RAB11FIP3: variants seen among roughly 807,000 people sequenced by gnomAD.
The protein encoded by RAB11FIP3 is RAB11 family interacting protein 3.
In RAB11FIP3, 17 loss-of-function variants were observed where a neutral mutation model predicts 77.8. The ratio of observed to expected loss-of-function variants is 0.22; its 90% CI spans 0.15 to 0.33. The LOEUF is 0.33. Among genes scored for constraint, RAB11FIP3 ranks in the 10% least tolerant of loss-of-function variants. The pLI, the probability that RAB11FIP3 is intolerant of heterozygous loss-of-function variation, is 1.00. For synonymous variants in RAB11FIP3, 437 were observed against 448.2 expected, an observed-to-expected ratio of 0.98 and a Z score of 0.31; for missense variants, 1,005 against 1,011.2, an observed-to-expected ratio of 0.99 and a Z score of 0.08.
chr16:445,007 G>C (rs940490002), intron 1 of RAB11FIP3, among the ~76,000 whole-genome samples: 1 of 151,410 alleles, frequency 6.6e-6, no homozygotes, highest in Non-Finnish European at 1.5e-5. Flanking sequence ...CCAGCTACTC[G>C]GGAGGCTGAG....
intron 5 of RAB11FIP3, among the ~76,000 whole-genome samples, chr16:494,364 C>T (rs1455994381): frequency 6.6e-6 from 1 of 151,352 alleles, no homozygotes; most frequent in Non-Finnish European, 1.5e-5. Context: ...GGCTCATGCC[C>T]GTAATCCCAG....
At chr16:459,369 G>A (rs1053678093) in intron 1 of RAB11FIP3, among the ~76,000 whole-genome samples, 10 of 149,804 alleles carry the variant, frequency 6.7e-5, no homozygotes, top group African/African-American at 1.2e-4. Flanking sequence ...CAGGTGATCC[G>A]CCTGCTTCAG....
chr16:442,621 G>A (rs1439793441), intron 1 of RAB11FIP3, among the ~76,000 whole-genome samples: 1 of 152,152 alleles, frequency 6.6e-6, no homozygotes, highest in African/African-American at 2.4e-5. Context: ...TCGGTGTCAT[G>A]CTACTTTTTT....
At chr16:466,135 A>G (rs1211633881) in intron 2 of RAB11FIP3, among the ~76,000 whole-genome samples, 3 of 152,194 alleles carry the variant, frequency 2.0e-5, no homozygotes, top group African/African-American at 7.2e-5. Flanking sequence ...GCTCTGCACA[A>G]TGTGGCTGGC....
At chr16:479,643 C>T (rs1242594358) in intron 3 of RAB11FIP3, among the ~76,000 whole-genome samples, 3 of 152,140 alleles carry the variant, frequency 2.0e-5, no homozygotes, top group African/African-American at 7.2e-5. Context: ...AATTACTCTG[C>T]CAGGCTCAGT....
intron 1 of RAB11FIP3, among the ~76,000 whole-genome samples, chr16:455,802 G>C (rs1390213215): frequency 6.6e-6 from 1 of 152,014 alleles, no homozygotes; most frequent in East Asian, 1.9e-4. Flanking sequence ...TGTTGCCCAG[G>C]CTAGTCTGGA....
Position 505,999 on chromosome 16 carries a change from C to T in RAB11FIP3, c.1499+372C>T, listed in dbSNP as rs1009412231. Among the ~76,000 whole-genome samples the T allele has an allele frequency of 2.0e-5, 3 of 152,222 alleles. No individual in the cohort carries two copies. Among genetic ancestry groups the T allele is most frequent in the African/African-American group, 4.8e-5 (2 of 41,448 alleles). On this transcript the variant is annotated intron_variant, in intron 8 of 13. Transcript: ENST00000262305. The surrounding 1 kb of genome is among the most constrained non-coding windows in gnomAD (Gnocchi z 4.0). ...AGCTCTCCCACCACTCTGGTCCATA[C>T]GGGGTTTGCCCGTCCTGGAAGAATG...
intron 3 of RAB11FIP3, among the ~76,000 whole-genome samples, chr16:479,035 G>GT: frequency 6.6e-6 from 1 of 152,124 alleles, no homozygotes; most frequent in Non-Finnish European, 1.5e-5. Context: ...GTGTTCATTT[G>GT]TATGATCCAC....
intron 6 of RAB11FIP3, chr16:497,519 G>C: frequency 2.6e-6 from 3 of 1,163,286 alleles, no homozygotes; most frequent in Non-Finnish European, 1.1e-6. Flanking sequence ...GCATCTGGCA[G>C]GGCTGGGAGA....
intron 1 of RAB11FIP3, among the ~76,000 whole-genome samples, chr16:431,435 A>C (rs1475163384): frequency 6.6e-6 from 1 of 150,642 alleles, no homozygotes; most frequent in African/African-American, 2.5e-5. Flanking sequence ...GCTGGAGTGC[A>C]GTGGCACAAT....
intron 1 of RAB11FIP3, among the ~76,000 whole-genome samples, chr16:458,294 CAG>C (rs1490061636): frequency 6.6e-6 from 1 of 152,226 alleles, no homozygotes; most frequent in Non-Finnish European, 1.5e-5. Context: ...TTTCCTGAAA[CAG>C]AGCAGCTGTG....
At position 425,952 on chromosome 16, in the gene RAB11FIP3, C is replaced by A; in HGVS notation, c.-55C>A. ...GGATGCCCGCGCCCGCCGCCGCGCC[C>A]TGAGCGCCTTTGTCTGCCGCCCGCG... is the stretch of plus-strand genomic sequence containing the variant. On this transcript the variant is annotated 5_prime_UTR_variant, in exon 1 of 14. It adds an upstream start codon to the 5' untranslated region. Coordinates refer to ENST00000262305, the MANE Select transcript of RAB11FIP3 (RefSeq NM_014700.4). The A allele has an allele frequency of 2.6e-6, 2 of 776,226 alleles. No homozygotes were observed. Among genetic ancestry groups the A allele is most frequent in the Non-Finnish European group, 1.5e-6 (1 of 649,530 alleles). The allele number at this position is 776,226 out of a possible 1,614,324, so 48.1% of individuals were successfully genotyped here. A position where few individuals can be genotyped will look rare whatever the true frequency, so the allele number is the denominator to read the frequency against.
intron 1 of RAB11FIP3, among the ~76,000 whole-genome samples, chr16:442,169 T>C (rs2055238556): frequency 6.6e-6 from 1 of 152,172 alleles, no homozygotes; most frequent in South Asian, 2.1e-4. Flanking sequence ...GGGGTCTCAC[T>C]GTGTTGCCCA....
intron 9 of RAB11FIP3, among the ~76,000 whole-genome samples, chr16:515,380 C>T (rs2032352203): frequency 6.6e-6 from 1 of 152,204 alleles, no homozygotes; most frequent in African/African-American, 2.4e-5. Context: ...AGGCAGATGG[C>T]AAAGGTGCAG....
intron 3 of RAB11FIP3, among the ~76,000 whole-genome samples, chr16:474,288 T>C (rs2055860429): frequency 2.0e-5 from 3 of 152,204 alleles, no homozygotes; most frequent in African/African-American, 7.2e-5. Context: ...CATTTCTCTT[T>C]ACTGGGAGCA....
intron 1 of RAB11FIP3, among the ~76,000 whole-genome samples, chr16:446,204 T>G (rs1355036668): frequency 6.6e-6 from 1 of 152,076 alleles, no homozygotes; most frequent in Non-Finnish European, 1.5e-5. Context: ...TGATCACTCC[T>G]GTGACTAACC....
At chr16:446,801 C>T (rs537742768) in intron 1 of RAB11FIP3, among the ~76,000 whole-genome samples, 6 of 152,110 alleles carry the variant, frequency 3.9e-5, no homozygotes, top group Admixed American at 3.3e-4. Flanking sequence ...TCCTGGTTCA[C>T]GCAATTCTCC....
intron 2 of RAB11FIP3, among the ~76,000 whole-genome samples, chr16:466,420 G>A (rs151248077): frequency 1.3e-3 from 203 of 152,304 alleles, no homozygotes; most frequent in Admixed American, 2.4e-3. Context: ...CATGGCTAAC[G>A]TGAAATGGGG....
rs2055798804 is a variant in RAB11FIP3, at chr16:471,086, C to A, written c.809-209C>A. 6.6e-6 allele frequency among the ~76,000 whole-genome samples: 1 copy of A among 151,978 alleles called. No homozygotes were observed. Among genetic ancestry groups the A allele is most frequent in the Admixed American group, 6.6e-5 (1 of 15,252 alleles). The stretch of plus-strand genomic sequence containing the variant: ...TCTCCAGAAGCCTTGTTCCTGTGGG[C>A]AACGCATCTCTGACCCGTTGGCAAG... On this transcript the variant is annotated intron_variant, in intron 2 of 13. Coordinates refer to ENST00000262305, the MANE Select transcript of RAB11FIP3 (RefSeq NM_014700.4). The surrounding 1 kb of genome is among the most constrained non-coding windows in gnomAD (Gnocchi z 4.4).
Sources: allele counts gnomAD v4.1 joint callset (sites outside exome capture counted in the v4.1 genomes callset), GRCh38; gene constraint gnomAD v4.1.1; non-coding constraint Gnocchi (gnomAD v3.1); transcripts MANE v1.5; gene names NCBI Gene and HGNC (gene_info 2026-07-23, HGNC 2026-07-21).